TOR1AIP1: variants seen among roughly 807,000 people sequenced by gnomAD.
TOR1AIP1 encodes the protein torsin-1A-interacting protein 1.
In TOR1AIP1, 54 loss-of-function variants were observed where a neutral mutation model predicts 63.3. The ratio of observed to expected loss-of-function variants is 0.85; its 90% CI spans 0.69 to 1.07. The LOEUF is 1.07. TOR1AIP1 is among the 50% of genes least tolerant of loss of function. The pLI is 0.00. For missense variants in TOR1AIP1, 736 were observed against 715.0 expected (o/e 1.03, Z -0.33); for synonymous variants, 294 against 273.5 (o/e 1.07, Z -0.74).
Position 179,917,908 on chromosome 1 carries a change from A to C in TOR1AIP1, c.1421A>C (p.Asn474Thr), listed in dbSNP as rs769854035. 1 of 1,614,248 alleles carries C rather than the reference A, an allele frequency of 6.2e-7. No individual in the cohort carries two copies. The highest frequency in any genetic ancestry group is 2.2e-5 in the East Asian group (1 of 44,890). ...ELSNGFKNGQ[N>T]AAVVHRFESF... is the part of the protein sequence containing the mutation. ...AGCAATGGATTTAAGAATGGCCAGA[A>C]TGCAGCTGTGGTACACCGCTTTGAG... The change falls in exon 10 of 10, where the codon AAT (asparagine) becomes ACT (threonine). Residue 474 changes from asparagine (N) to threonine (T), a missense_variant. Physicochemically the swap from Asn to Thr is moderately conservative, Grantham distance 65 (BLOSUM62 0). This residue lies in a region of TOR1AIP1 where 272 missense variants were observed against 344.1 expected (regional missense o/e 0.79). Coordinates refer to ENST00000606911, the MANE Select transcript of TOR1AIP1 (RefSeq NM_015602.4).
rs143942563 is a variant in TOR1AIP1, at chr1:179,903,976, C to T, written c.750C>T (p.Thr250=). ...TTTTTTATTTTTTAGATAAAACCACCAGATCATCTAGTCAATATATAGAAT... is the reference window on the plus strand; with the variant it reads ...TTTTTTATTTTTTAGATAAAACCACTAGATCATCTAGTCAATATATAGAAT... ...RDSDESGDKT[T]RSSSQYIESF... Residue 250 remains threonine, a synonymous_variant, in exon 6 of 10, where the codon ACC becomes ACT. Transcript: ENST00000606911. 6.2e-7 allele frequency: 1 copy of T among 1,600,354 alleles called. No individual in the cohort carries two copies. The highest frequency in any genetic ancestry group is 8.5e-7 in the Non-Finnish European group (1 of 1,170,496).
intron 1 of TOR1AIP1, 30 bp from the exon 2 acceptor site, chr1:179,884,662 A>AT (rs1235146080): frequency 6.3e-7 from 1 of 1,575,450 alleles, no homozygotes. Flanking sequence ...TATATTCTGA[A>AT]TTTTAACTCT....
chr1:179,900,270 C>A, intron 4 of TOR1AIP1, 103 bp downstream of exon 4: 1 of 758,630 alleles, frequency 1.3e-6, no homozygotes. Flanking sequence ...GAGCCGGGGA[C>A]TGTGGCACAT....
chr1:179,900,276 C>T lies in TOR1AIP1; in HGVS notation c.652+109C>T. 7 of 703,342 alleles carry T rather than the reference C, an allele frequency of 1.0e-5. No homozygotes were observed. The South Asian group carries it at 1.2e-4, about 12-fold the overall frequency. 43.6% of individuals were successfully genotyped at this position (703,342 alleles called of 1,614,324 possible). ...GTGGGAACAGAGCCGGGGACTGTGGCACATGCCTGTAGTCTCAGCTACTCG... is the reference window on the plus strand; with the variant it reads ...GTGGGAACAGAGCCGGGGACTGTGGTACATGCCTGTAGTCTCAGCTACTCG... On this transcript the variant is annotated intron_variant, in intron 4 of 9. Transcript: ENST00000606911.
chr1:179,917,426 C>A, intron 9 of TOR1AIP1, 26 bp from the exon 10 acceptor site: 1 of 1,575,298 alleles, frequency 6.3e-7, no homozygotes, highest in Non-Finnish European at 8.6e-7. Flanking sequence ...GTATTTATAT[C>A]TGTCATTTCT....
Position 179,883,434 on chromosome 1 carries a change from C to T in TOR1AIP1, c.475+457C>T, listed in dbSNP as rs562847765. Among the ~76,000 whole-genome samples the T allele has an allele frequency of 7.2e-5, 11 of 152,314 alleles. No homozygotes were observed. In the South Asian group the frequency reaches 2.3e-3, roughly 32 times the overall value. On this transcript the variant is annotated intron_variant, in intron 1 of 9. Transcript: ENST00000606911. Reference sequence around the variant, plus strand: ...TCTAACCTTTCAGTCTTTTTCCCTCCTCACCCAGGTGGGCAGAGAGGAAGG... The same window carrying T: ...TCTAACCTTTCAGTCTTTTTCCCTCTTCACCCAGGTGGGCAGAGAGGAAGG...
At chr1:179,910,167 A>G (rs189522689) in intron 8 of TOR1AIP1, among the ~76,000 whole-genome samples, 132 of 152,340 alleles carry the variant, frequency 8.7e-4, no homozygotes, top group Middle Eastern at 3.4e-3. Context: ...TATAATTTCT[A>G]TGGAAATGCG....
At chr1:179,884,802 A>G in intron 2 of TOR1AIP1, 33 bp downstream of exon 2, 1 of 1,501,066 alleles carries the variant, frequency 6.7e-7, no homozygotes, top group Non-Finnish European at 9.1e-7. Flanking sequence ...TTTTCTCCTT[A>G]CCTACCAACT....
intron 9 of TOR1AIP1, among the ~76,000 whole-genome samples, chr1:179,916,264 T>C (rs971712734): frequency 1.3e-5 from 2 of 152,182 alleles, no homozygotes; most frequent in Non-Finnish European, 2.9e-5. Context: ...GCGTCATCAG[T>C]GCAAATGTCA....
At chr1:179,885,469 G>C (rs1647885255) in intron 2 of TOR1AIP1, among the ~76,000 whole-genome samples, 1 of 152,166 alleles carries the variant, frequency 6.6e-6, no homozygotes, top group Non-Finnish European at 1.5e-5. Context: ...TAAAAAGCTG[G>C]AGAAGGGATC....
At chr1:179,883,728 T>G in intron 1 of TOR1AIP1, 1 of 456,028 alleles carries the variant, frequency 2.2e-6, no homozygotes, top group South Asian at 1.5e-5. Context: ...AATTAGAGTT[T>G]TCGTCTAAAT....
Position 179,901,312 on chromosome 1 carries a change from A to C in TOR1AIP1, c.663A>C (p.Glu221Asp). 6.2e-7 allele frequency: 1 copy of C among 1,609,846 alleles called. No individual in the cohort carries two copies. The change falls in exon 5 of 10, where the codon GAA (glutamate) becomes GAC (aspartate). Residue 221 changes from glutamate to aspartate, a missense_variant. Glu to Asp is a conservative substitution (Grantham distance 45, BLOSUM62 2). Around this residue, in one of 2 missense-constraint regions of TOR1AIP1, gnomAD observed 464 missense variants for 371.0 expected, o/e 1.25. Transcript: ENST00000606911. ...TTTACTTCTCTTTAGGAGAAACTGA[A>C]GAAGATGATCAAGACAGCTCTCACA... is the stretch of plus-strand genomic sequence containing the variant. ...KVNFSEEGET[E>D]EDDQDSSHSS...
intron 3 of TOR1AIP1, among the ~76,000 whole-genome samples, chr1:179,899,676 G>T (rs1340637890): frequency 6.6e-6 from 1 of 152,154 alleles, no homozygotes; most frequent in Non-Finnish European, 1.5e-5. Flanking sequence ...ACAGAGTCTT[G>T]CTCTGTCGCC....
intron 3 of TOR1AIP1, among the ~76,000 whole-genome samples, chr1:179,896,346 C>T (rs1032746675): frequency 6.6e-6 from 1 of 152,064 alleles, no homozygotes; most frequent in East Asian, 1.9e-4. Flanking sequence ...AGCGTGATCT[C>T]GGCTCACTGC....
intron 4 of TOR1AIP1, chr1:179,900,431 T>A (rs1648417071): frequency 3.9e-6 from 1 of 258,228 alleles, no homozygotes; most frequent in Admixed American, 5.1e-5. Flanking sequence ...GACCACCATG[T>A]TGCCTAAAGA....
chr1:179,907,727 T>C, intron 6 of TOR1AIP1, 96 bp from the exon 7 acceptor site: 1 of 762,614 alleles, frequency 1.3e-6, no homozygotes, highest in Non-Finnish European at 2.0e-6. Flanking sequence ...TTGTTTGTTT[T>C]TAGTATCCAC....
At chr1:179,896,660 A>G (rs1648279181) in intron 3 of TOR1AIP1, among the ~76,000 whole-genome samples, 1 of 151,954 alleles carries the variant, frequency 6.6e-6, no homozygotes, top group Non-Finnish European at 1.5e-5. Flanking sequence ...TGACATTTGG[A>G]TTGAATTTTG....
At chr1:179,885,563 TAAAC>T (rs1647887103) in intron 2 of TOR1AIP1, among the ~76,000 whole-genome samples, 1 of 152,190 alleles carries the variant, frequency 6.6e-6, no homozygotes, top group South Asian at 2.1e-4. Context: ...CTCACAATAA[TAAAC>T]AATCATAGCT....
intron 7 of TOR1AIP1, 75 bp from the exon 8 acceptor site, chr1:179,908,530 A>G (rs1648722441): frequency 8.2e-7 from 1 of 1,226,744 alleles, no homozygotes; most frequent in Non-Finnish European, 1.2e-6. Context: ...TGATAGATTA[A>G]TTTTATAACA....
Sources: allele counts gnomAD v4.1 joint callset (sites outside exome capture counted in the v4.1 genomes callset), GRCh38; gene constraint gnomAD v4.1.1; regional missense constraint gnomAD v4.1.1; transcripts MANE v1.5; gene names NCBI Gene and HGNC (gene_info 2026-07-23, HGNC 2026-07-21).